The following RTCB variants were observed in gnomAD, a reference collection of about 807,000 sequenced individuals.
RTCB encodes the protein RNA 2',3'-cyclic phosphate and 5'-OH ligase, also known as RNA-splicing ligase RTCB.
RTCB carries 32 observed loss-of-function variants against 58.2 expected under a neutral mutation model. The observed-to-expected ratio is 0.55, with a 90% CI of 0.41 to 0.74. The LOEUF (loss-of-function observed/expected upper bound fraction) is 0.74, where lower values mean the gene tolerates loss of function less well. Among genes scored for constraint, RTCB ranks in the 30% least tolerant of loss-of-function variants. The pLI, the probability that RTCB is intolerant of heterozygous loss-of-function variation, is 0.00. For missense variants in RTCB, 523 were observed against 639.0 expected (o/e 0.82, Z 1.96); for synonymous variants, 247 against 218.6 (o/e 1.13, Z -1.15).
At position 32,394,019 on chromosome 22, in the gene RTCB, A is replaced by C. The variant is rs1205031795; in HGVS notation, c.1180-17T>G. On this transcript the variant is annotated splice_polypyrimidine_tract_variant and intron_variant, in intron 9 of 11. Transcript: ENST00000216038. ...TCCAGTGAGCTGAGGATGCACATAA[A>C]TCAAACATGTTAAAATTCAGAAAAA... 6.5e-7 allele frequency: 1 copy of C among 1,533,854 alleles called. No individual in the cohort carries two copies. The highest frequency in any genetic ancestry group is 9.0e-7 in the Non-Finnish European group (1 of 1,107,014).
chr22:32,410,691 T>C (rs553777503), intron 1 of RTCB, among the ~76,000 whole-genome samples: 2 of 151,668 alleles, frequency 1.3e-5, no homozygotes, highest in African/African-American at 2.4e-5. Flanking sequence ...ATCCTACAGA[T>C]AATCATGTCA....
chr22:32,407,618 TC>T (rs1173794094), intron 3 of RTCB: 6 of 152,574 alleles, frequency 3.9e-5, no homozygotes, highest in African/African-American at 1.4e-4. Context: ...GGTGCACTGA[TC>T]CAGGAATAAT....
At chr22:32,401,307 T>G (rs1006768054) in intron 5 of RTCB, among the ~76,000 whole-genome samples, 1 of 151,918 alleles carries the variant, frequency 6.6e-6, no homozygotes, top group Non-Finnish European at 1.5e-5. Context: ...AGGTTCATCT[T>G]TTACTCCTGG....
chr22:32,398,447 C>A (rs926955273), intron 6 of RTCB, among the ~76,000 whole-genome samples: 6 of 151,856 alleles, frequency 4.0e-5, no homozygotes, highest in Non-Finnish European at 7.4e-5. Context: ...CATACCAGAG[C>A]CTGTCGAGGA....
At chr22:32,389,462 T>C (rs1490523505) in intron 11 of RTCB, among the ~76,000 whole-genome samples, 1 of 152,198 alleles carries the variant, frequency 6.6e-6, no homozygotes, top group African/African-American at 2.4e-5. Flanking sequence ...ACTACAGGCA[T>C]GTGCCACTGT....
chr22:32,395,252 TC>T (rs746073140), intron 8 of RTCB, 38 bp from the exon 9 acceptor site: 54 of 1,575,498 alleles, frequency 3.4e-5, no homozygotes, highest in Non-Finnish European at 4.4e-5. Flanking sequence ...AGCCAGAACT[TC>T]AGGACTTATG....
intron 7 of RTCB, among the ~76,000 whole-genome samples, chr22:32,397,718 G>A (rs974543777): frequency 6.6e-6 from 1 of 152,178 alleles, no homozygotes; most frequent in Non-Finnish European, 1.5e-5. Flanking sequence ...CAAACATTAA[G>A]TGCTTTACAT....
intron 4 of RTCB, among the ~76,000 whole-genome samples, chr22:32,406,097 T>A (rs1311964705): frequency 1.3e-5 from 2 of 152,060 alleles, no homozygotes; most frequent in Non-Finnish European, 2.9e-5. Flanking sequence ...TAAAAAAAAA[T>A]TGCCAGTTTG....
Position 32,408,218 on chromosome 22 carries a change from A to C in RTCB, c.197T>G (p.Met66Arg). 6.2e-7 allele frequency: 1 copy of C among 1,614,198 alleles called. No homozygotes were observed. The highest frequency in any genetic ancestry group is 8.5e-7 in the Non-Finnish European group (1 of 1,180,022). The change falls in exon 3 of 12, where the codon ATG (methionine) becomes AGG (arginine). Residue 66 changes from methionine to arginine, a missense_variant. Physicochemically the swap from Met to Arg is moderately conservative, Grantham distance 91 (BLOSUM62 -1). Around this residue, in one of 3 missense-constraint regions of RTCB, gnomAD observed 134 missense variants for 129.9 expected, o/e 1.03. Transcript: ENST00000216038. ...GGGVGGFLPAMKQIGNVAALP... is the reference protein window; with the variant it reads ...GGGVGGFLPARKQIGNVAALP... Reference sequence around the variant, plus strand: ...GGCTGCCACATTGCCAATCTGTTTCATGGCTGGCAGGAAGCCACCAACACC... The same window carrying C: ...GGCTGCCACATTGCCAATCTGTTTCCTGGCTGGCAGGAAGCCACCAACACC...
intron 2 of RTCB, 145 bp downstream of exon 2, chr22:32,408,610 A>G (rs1647905733): frequency 1.5e-6 from 1 of 661,388 alleles, no homozygotes; most frequent in Non-Finnish European, 2.7e-6. Context: ...TGTGATCACA[A>G]ATAAGTAAGT....
chr22:32,401,153 C>T (rs1327773169), intron 5 of RTCB, among the ~76,000 whole-genome samples: 1 of 149,182 alleles, frequency 6.7e-6, no homozygotes, highest in African/African-American at 2.5e-5. Context: ...GGGTGCAGTA[C>T]TGAGATCTCA....
At chr22:32,411,645 T>G (rs1933526394) in intron 1 of RTCB, among the ~76,000 whole-genome samples, 1 of 152,222 alleles carries the variant, frequency 6.6e-6, no homozygotes, top group Admixed American at 6.5e-5. Flanking sequence ...GTAAACGTTA[T>G]TTAAATAACC....
In RTCB at chr22:32,408,193, G is replaced by C; in HGVS notation, c.222C>G (p.Ala74=). 1 of 1,614,118 alleles carries C rather than the reference G, an allele frequency of 6.2e-7. No individual in the cohort carries two copies. The highest frequency in any genetic ancestry group is 1.1e-5 in the South Asian group (1 of 91,080). The change falls in exon 3 of 12, where the codon GCC becomes GCG. Residue 74 remains alanine (A), a synonymous_variant. Coordinates refer to ENST00000216038, the MANE Select transcript of RTCB (RefSeq NM_014306.5). ...PAMKQIGNVA[A]LPGIVHRSIG... Reference sequence around the variant, plus strand: ...GACTCACATGAACAATTCCAGGCAGGGCTGCCACATTGCCAATCTGTTTCA... The same window carrying C: ...GACTCACATGAACAATTCCAGGCAGCGCTGCCACATTGCCAATCTGTTTCA...
At chr22:32,394,103 A>G in intron 9 of RTCB, 101 bp from the exon 10 acceptor site, 1 of 739,482 alleles carries the variant, frequency 1.4e-6, no homozygotes. Context: ...TTGTAGGAGA[A>G]ACCCAGACTT....
In RTCB at chr22:32,387,976, C is replaced by T; in HGVS notation, c.*16G>A. ...GAGAGGGTTGGTGGTGTCAGGCAGC[C>T]CTGCTGTCCAAGGTTCTATCCTTTG... is the stretch of plus-strand genomic sequence containing the variant. On this transcript the variant is annotated 3_prime_UTR_variant, in exon 12 of 12. Transcript: ENST00000216038. 1 of 1,540,268 alleles carries T rather than the reference C, an allele frequency of 6.5e-7. No homozygotes were observed. Among genetic ancestry groups the T allele is most frequent in the Non-Finnish European group, 9.0e-7 (1 of 1,113,126 alleles).
rs1933168094 is a variant in RTCB at position 32,392,403 on chromosome 22, A to G, written c.1291-44T>C. 3.1e-6 allele frequency: 5 copies of G among 1,612,890 alleles called. No homozygotes were observed. In the South Asian group the frequency reaches 3.3e-5, roughly 11 times the overall value. ...GAACTTTACTTTAAACCCTAAGATGATAAGCCCTTTCCCTGATTTTCTCTC... is the reference window on the plus strand; with the variant it reads ...GAACTTTACTTTAAACCCTAAGATGGTAAGCCCTTTCCCTGATTTTCTCTC... On this transcript the variant is annotated intron_variant, in intron 10 of 11. Transcript: ENST00000216038.
intron 3 of RTCB, 88 bp from the exon 4 acceptor site, chr22:32,406,849 T>C (rs1321783969): frequency 1.6e-5 from 14 of 871,004 alleles, no homozygotes; most frequent in African/African-American, 5.0e-5. Flanking sequence ...CTCAAACAGG[T>C]TGCAGGCTGA....
chr22:32,399,953 A>G (rs1200812487), intron 5 of RTCB, 194 bp from the exon 6 acceptor site: 2 of 440,796 alleles, frequency 4.5e-6, no homozygotes, highest in African/African-American at 3.9e-5. Context: ...TAATTCCAAT[A>G]TAAAATGATA....
rs139613523 is a variant in RTCB, at chr22:32,408,242, C to A, written c.173G>T (p.Gly58Val). The change falls in exon 3 of 12, where the codon GGT (glycine) becomes GTT (valine). Residue 58 changes from glycine (G) to valine (V), a missense_variant and splice_region_variant. By Grantham distance (109) the Gly-to-Val change is moderately radical. Around this residue, in one of 3 missense-constraint regions of RTCB, gnomAD observed 134 missense variants for 129.9 expected, o/e 1.03. Transcript: ENST00000216038. ...CATGGCTGGCAGGAAGCCACCAACA[C>A]CTGAAGACAAAAATTGGGTATTAGA... ...EELRNACRGG[G>V]VGGFLPAMKQ... 3 of 1,613,656 alleles carry A rather than the reference C, an allele frequency of 1.9e-6. No homozygotes were observed. In the South Asian group the frequency reaches 3.3e-5, roughly 18 times the overall value.
Sources: allele counts gnomAD v4.1 joint callset (sites outside exome capture counted in the v4.1 genomes callset), GRCh38; gene constraint gnomAD v4.1.1; regional missense constraint gnomAD v4.1.1; transcripts MANE v1.5; gene names NCBI Gene and HGNC (gene_info 2026-07-23, HGNC 2026-07-21).